GPD2: variants seen among roughly 807,000 people sequenced by gnomAD.
GPD2 encodes the protein glycerol-3-phosphate dehydrogenase 2.
A neutral mutation model predicts 82.4 loss-of-function variants in GPD2; 54 were observed. The observed-to-expected ratio is 0.66, with a 90% confidence interval of 0.53 to 0.82. The LOEUF (loss-of-function observed/expected upper bound fraction) is 0.82. Ranked by LOEUF, GPD2 falls within the 40% of genes least tolerant of loss-of-function variation. The probability of loss-of-function intolerance (pLI) is 0.00; values close to 1 mark genes in which losing one functional copy is unlikely to be tolerated. For synonymous variants in GPD2, 288 were observed against 306.1 expected (o/e 0.94, Z 0.62); for missense variants, 748 against 896.2 (o/e 0.83, Z 2.11).
At chr2:156,461,079 G>A (rs886265225) in intron 1 of GPD2, among the ~76,000 whole-genome samples, 1 of 151,910 alleles carries the variant, frequency 6.6e-6, no homozygotes, top group Non-Finnish European at 1.5e-5. Context: ...TCACTAGCAG[G>A]TCCCTGGCTG....
At chr2:156,407,583 A>C in the GPD2 span, among the ~76,000 whole-genome samples, 1 of 152,228 alleles carries the variant, frequency 6.6e-6, no homozygotes, top group African/African-American at 2.4e-5. Flanking sequence ...GAATCAAAGC[A>C]TGGAAATAAA....
At chr2:156,484,389 G>A (rs1191743116) in intron 2 of GPD2, among the ~76,000 whole-genome samples, 7 of 151,970 alleles carry the variant, frequency 4.6e-5, no homozygotes, top group Admixed American at 4.6e-4. Context: ...CGCCCGCCTC[G>A]GCCTCCCAAA....
chr2:156,553,505 A>T (rs1686845333), intron 8 of GPD2, among the ~76,000 whole-genome samples: 1 of 152,204 alleles, frequency 6.6e-6, no homozygotes, highest in Admixed American at 6.5e-5. Flanking sequence ...AAAAATAAAT[A>T]AATAATGTAA....
chr2:156,522,930 CTT>C (rs1685463013), intron 6 of GPD2, among the ~76,000 whole-genome samples: 1 of 140,596 alleles, frequency 7.1e-6, no homozygotes, highest in African/African-American at 2.5e-5. Context: ...TTTTTAAAGA[CTT>C]TACTTTTTTA....
In GPD2 at chr2:156,549,685, A is replaced by G; in HGVS notation, c.739A>G (p.Met247Val). 5 of 1,613,820 alleles carry G rather than the reference A, an allele frequency of 3.1e-6. No individual in the cohort carries two copies. Among genetic ancestry groups the G allele is most frequent in the Non-Finnish European group, 4.2e-6 (5 of 1,179,690 alleles). ...ARYGAATANYMEVVSLLKKTD... is the reference protein window; with the variant it reads ...ARYGAATANYVEVVSLLKKTD... ...GTATGGGGCTGCCACAGCCAATTAC[A>G]TGGAGGTAGTGAGCTTGCTCAAGAA... The change falls in exon 7 of 17, where the codon ATG (methionine) becomes GTG (valine). Residue 247 changes from methionine (M) to valine (V), a missense_variant. Coordinates refer to ENST00000438166, the MANE Select transcript of GPD2 (RefSeq NM_000408.5).
chr2:156,522,023 C>G (rs1370355091), intron 6 of GPD2, among the ~76,000 whole-genome samples: 1 of 151,924 alleles, frequency 6.6e-6, no homozygotes, highest in African/African-American at 2.4e-5. Flanking sequence ...TGGATACCAG[C>G]TAATGCTAAA....
At chr2:156,484,298 G>A (rs1007471075) in intron 2 of GPD2, among the ~76,000 whole-genome samples, 1 of 151,812 alleles carries the variant, frequency 6.6e-6, no homozygotes, top group African/African-American at 2.4e-5. Flanking sequence ...ACCACGGCCG[G>A]CTAATTTTTG....
At chr2:156,403,275 A>G in the GPD2 span, among the ~76,000 whole-genome samples, 3 of 152,154 alleles carry the variant, frequency 2.0e-5, no homozygotes, top group South Asian at 6.2e-4. Flanking sequence ...CCCTAAGCCA[A>G]TTATCTCATT....
At chr2:156,481,248 G>A (rs551592658) in intron 2 of GPD2, among the ~76,000 whole-genome samples, 1 of 152,012 alleles carries the variant, frequency 6.6e-6, no homozygotes, top group East Asian at 1.9e-4. Context: ...AACATGTAAC[G>A]ATCAAATCAG....
chr2:156,567,801 T>G (rs531201915), intron 9 of GPD2, among the ~76,000 whole-genome samples: 2 of 152,142 alleles, frequency 1.3e-5, no homozygotes, highest in African/African-American at 4.8e-5. Context: ...CCTTCTCTCT[T>G]AAGTCATTTT....
At chr2:156,401,358 CATT>C in the GPD2 span, among the ~76,000 whole-genome samples, 2 of 151,722 alleles carry the variant, frequency 1.3e-5, no homozygotes, top group Non-Finnish European at 2.9e-5. Flanking sequence ...ATTAGAAAAA[CATT>C]AACATTTACA....
intron 16 of GPD2, 50 bp downstream of exon 16, chr2:156,579,838 G>C (rs139136552): frequency 1.1e-6 from 1 of 878,434 alleles, no homozygotes; most frequent in East Asian, 2.4e-5. Flanking sequence ...TCTTTTGTTT[G>C]TCATGATCAT....
At chr2:156,439,152 G>T (rs1310463291) in intron 1 of GPD2, among the ~76,000 whole-genome samples, 1 of 152,138 alleles carries the variant, frequency 6.6e-6, no homozygotes, top group Non-Finnish European at 1.5e-5. Flanking sequence ...AATTATATGG[G>T]AAATCTTCAG....
intron 2 of GPD2, among the ~76,000 whole-genome samples, chr2:156,480,925 C>A (rs931172210): frequency 6.6e-6 from 1 of 151,316 alleles, no homozygotes; most frequent in African/African-American, 2.4e-5. Context: ...ATTACAAGCA[C>A]CCTGATTCTA....
chr2:156,468,895 C>G (rs1306751611), intron 1 of GPD2, among the ~76,000 whole-genome samples: 2 of 151,892 alleles, frequency 1.3e-5, no homozygotes, highest in African/African-American at 2.4e-5. Flanking sequence ...CTGCAGTCAC[C>G]CTGTTCTATC....
chr2:156,531,511 G>A (rs561732991), intron 6 of GPD2, among the ~76,000 whole-genome samples: 8 of 152,328 alleles, frequency 5.3e-5, no homozygotes, highest in East Asian at 1.9e-4. Context: ...GACAAAAACC[G>A]GGGTCTCTCA....
chr2:156,411,055 A>G, the GPD2 span, among the ~76,000 whole-genome samples: 1 of 152,244 alleles, frequency 6.6e-6, no homozygotes, highest in Admixed American at 6.5e-5. Flanking sequence ...ATAATACTAC[A>G]TATAGTGTTT....
intron 1 of GPD2, among the ~76,000 whole-genome samples, chr2:156,452,396 A>C (rs987300442): frequency 1.3e-5 from 2 of 152,262 alleles, no homozygotes; most frequent in Non-Finnish European, 2.9e-5. Flanking sequence ...CACCAAAAAA[A>C]TACAAAAACC....
At chr2:156,532,042 T>C (rs1053853749) in intron 6 of GPD2, among the ~76,000 whole-genome samples, 1 of 152,146 alleles carries the variant, frequency 6.6e-6, no homozygotes, top group Non-Finnish European at 1.5e-5. Flanking sequence ...CTCGTTCAGT[T>C]GTTAGGCTGG....
Sources: allele counts gnomAD v4.1 joint callset (sites outside exome capture counted in the v4.1 genomes callset), GRCh38; gene constraint gnomAD v4.1.1; transcripts MANE v1.5; gene names NCBI Gene and HGNC (gene_info 2026-07-23, HGNC 2026-07-21).